The following RASEF variants were observed in gnomAD, a reference collection of about 807,000 sequenced individuals.
RASEF encodes the protein ras and EF-hand domain-containing protein.
RASEF carries 68 observed loss-of-function variants against 90.1 expected under a neutral mutation model. The observed-to-expected ratio is 0.75, with a 90% CI of 0.62 to 0.92. The LOEUF (loss-of-function observed/expected upper bound fraction) is 0.92. RASEF is among the 40% of genes least tolerant of loss of function. The pLI, the probability that RASEF is intolerant of heterozygous loss-of-function variation, is 0.00. For missense variants in RASEF, 949 were observed against 937.2 expected (o/e 1.01, Z -0.16); for synonymous variants, 331 against 345.2 (o/e 0.96, Z 0.46).
At chr9:83,140,572 G>T in the RASEF span, among the ~76,000 whole-genome samples, 1 of 152,116 alleles carries the variant, frequency 6.6e-6, no homozygotes, top group Non-Finnish European at 1.5e-5. Flanking sequence ...GACAGTGAGA[G>T]AATCCAAATA....
chr9:83,122,968 A>T, the RASEF span, among the ~76,000 whole-genome samples: 12 of 152,278 alleles, frequency 7.9e-5, no homozygotes, highest in East Asian at 2.3e-3. Context: ...GGCTGGGCGC[A>T]GTGGCTCACG....
the RASEF span, among the ~76,000 whole-genome samples, chr9:83,193,849 A>G: frequency 6.6e-6 from 1 of 152,216 alleles, no homozygotes; most frequent in Non-Finnish European, 1.5e-5. Flanking sequence ...AGGCATTTTT[A>G]TATTAGATCT....
chr9:83,172,710 T>C, the RASEF span, among the ~76,000 whole-genome samples: 4 of 151,960 alleles, frequency 2.6e-5, no homozygotes, highest in Admixed American at 6.6e-5. Flanking sequence ...CTTTTTATAT[T>C]GTCTATCTCT....
chr9:83,032,243 C>T (rs1488456767), intron 1 of RASEF, among the ~76,000 whole-genome samples: 1 of 152,102 alleles, frequency 6.6e-6, no homozygotes, highest in African/African-American at 2.4e-5. Context: ...AATGGCCACA[C>T]ACACAACTCT....
chr9:83,023,273 T>A (rs1308867104), intron 2 of RASEF, among the ~76,000 whole-genome samples: 5 of 152,192 alleles, frequency 3.3e-5, no homozygotes, highest in Admixed American at 2.6e-4. Flanking sequence ...TTTAGAAAAA[T>A]TATGTTTCTG....
rs1417440420 is a variant in RASEF at position 83,008,911 on chromosome 9, T to TC, written c.959+729_959+730insG. 3.3e-4 allele frequency among the ~76,000 whole-genome samples: 41 copies of TC among 123,840 alleles called. 2 individuals are homozygous for TC. The South Asian group carries it at 4.7e-3, about 14-fold the overall frequency. The allele number at this position is 123,840 out of a possible 152,430, so 81.2% of individuals were successfully genotyped here. A position where few individuals can be genotyped will look rare whatever the true frequency, so the allele number is the denominator to read the frequency against. Reference sequence around the variant, plus strand: ...CTCATCATATATATATATATATATATATATATATATATATATATATATATG... The same window carrying TC: ...CTCATCATATATATATATATATATATCATATATATATATATATATATATATG... On this transcript the variant is annotated intron_variant, in intron 6 of 16. Coordinates refer to ENST00000376447, the MANE Select transcript of RASEF (RefSeq NM_152573.4).
At chr9:83,090,798 T>G in the RASEF span, among the ~76,000 whole-genome samples, 1 of 152,092 alleles carries the variant, frequency 6.6e-6, no homozygotes, top group East Asian at 1.9e-4. Context: ...TTATCTTCCC[T>G]CCCCAGAGTT....
chr9:83,039,990 G>A (rs576211182), intron 1 of RASEF, among the ~76,000 whole-genome samples: 167 of 152,166 alleles, frequency 1.1e-3, no homozygotes, highest in African/African-American at 3.9e-3. Context: ...GAATCACGGG[G>A]GCAGGTTTTT....
chr9:83,150,069 C>G, the RASEF span, among the ~76,000 whole-genome samples: 1 of 152,188 alleles, frequency 6.6e-6, no homozygotes, highest in Non-Finnish European at 1.5e-5. Context: ...TCCCTTCCCC[C>G]AACCTTGACA....
rs556977626 is a variant in RASEF at position 82,980,109 on chromosome 9, C to A, written c.*2568G>T. ...TCCACAATGAAATTAAAATATTTTA[C>A]AATGTATCAGGATACATTTAAAAAA... On this transcript the variant is annotated 3_prime_UTR_variant, in exon 17 of 17. Coordinates refer to ENST00000376447, the MANE Select transcript of RASEF (RefSeq NM_152573.4). 6.6e-6 allele frequency: 1 copy of A among 152,140 alleles called. No individual in the cohort carries two copies. The highest frequency in any genetic ancestry group is 2.4e-5 in the African/African-American group (1 of 41,504). The allele number at this position is 152,140 out of a possible 1,614,324, so 9.4% of individuals were successfully genotyped here.
intron 3 of RASEF, 81 bp from the exon 4 acceptor site, chr9:83,015,981 T>C: frequency 9.6e-7 from 1 of 1,041,104 alleles, no homozygotes; most frequent in African/African-American, 1.6e-5. Flanking sequence ...AGAAACATTT[T>C]GTGTCAAATT....
the RASEF span, among the ~76,000 whole-genome samples, chr9:83,126,138 G>A: frequency 9.1e-3 from 1,389 of 152,232 alleles, 16 homozygotes; most frequent in African/African-American, 0.032. Flanking sequence ...TTGCTATGGA[G>A]TAAAAGTTTC....
chr9:83,079,091 G>A, the RASEF span, among the ~76,000 whole-genome samples: 225 of 152,134 alleles, frequency 1.5e-3, 3 homozygotes, highest in East Asian at 0.037. Context: ...CTTTTGTCGC[G>A]ATTGCTTTTG....
Position 83,022,409 on chromosome 9 carries a change from G to T in RASEF, c.596C>A (p.Ala199Asp). ...CTCTTCCAACTCACTCAACTGCATA[G>T]CTGCCTTGTCCTGGGCTCTGAAATT... ...IAVKRAQDKA[A>D]MQLSELEEEM... is the part of the protein sequence containing the mutation. The change falls in exon 3 of 17, where the codon GCT becomes GAT. Residue 199 changes from alanine (A) to aspartate (D), a missense_variant. By Grantham distance (126) the Ala-to-Asp change is moderately radical. This residue lies in a region of RASEF where 656 missense variants were observed against 592.2 expected (regional missense o/e 1.11). Transcript: ENST00000376447. 7 of 1,613,742 alleles carry T rather than the reference G, an allele frequency of 4.3e-6. No homozygotes were observed. Among genetic ancestry groups the T allele is most frequent in the Non-Finnish European group, 5.9e-6 (7 of 1,179,712 alleles).
At chr9:83,173,195 A>C in the RASEF span, among the ~76,000 whole-genome samples, 1 of 151,362 alleles carries the variant, frequency 6.6e-6, no homozygotes, top group Non-Finnish European at 1.5e-5. Flanking sequence ...TTAACCTTTG[A>C]GAGTTTGATT....
At chr9:83,215,958 G>T in the RASEF span, among the ~76,000 whole-genome samples, 1 of 152,170 alleles carries the variant, frequency 6.6e-6, no homozygotes, top group Admixed American at 6.5e-5. Context: ...TAAGGAACTT[G>T]TTGGAAACTA....
At chr9:83,087,918 A>C in the RASEF span, among the ~76,000 whole-genome samples, 1 of 152,122 alleles carries the variant, frequency 6.6e-6, no homozygotes, top group Non-Finnish European at 1.5e-5. Context: ...CTTTCACTGC[A>C]TACCATAAGG....
At chr9:83,164,540 T>C in the RASEF span, among the ~76,000 whole-genome samples, 3 of 150,138 alleles carry the variant, frequency 2.0e-5, 1 homozygote, top group South Asian at 2.1e-4. Context: ...GAGCAACTAA[T>C]TTTAAAAGTT....
At chr9:83,111,160 C>T in the RASEF span, among the ~76,000 whole-genome samples, 1 of 152,126 alleles carries the variant, frequency 6.6e-6, no homozygotes, top group Non-Finnish European at 1.5e-5. Context: ...AAGAAAACTT[C>T]TAAGAAAACA....
Sources: allele counts gnomAD v4.1 joint callset (sites outside exome capture counted in the v4.1 genomes callset), GRCh38; gene constraint gnomAD v4.1.1; regional missense constraint gnomAD v4.1.1; transcripts MANE v1.5; gene names NCBI Gene and HGNC (gene_info 2026-07-23, HGNC 2026-07-21).